The following EDNRA variants were observed in gnomAD, a reference collection of about 807,000 sequenced individuals.
EDNRA encodes endothelin receptor type A, also known as endothelin-1 receptor.
A neutral mutation model predicts 41.4 loss-of-function variants in EDNRA; 11 were observed. That is an observed-to-expected ratio of 0.27 (90% CI 0.17 to 0.44). The LOEUF (loss-of-function observed/expected upper bound fraction) is 0.44, where lower values mean the gene tolerates loss of function less well. Among genes scored for constraint, EDNRA ranks in the 20% least tolerant of loss-of-function variants. EDNRA has a pLI of 1.00. For missense variants in EDNRA, 294 were observed against 531.0 expected (o/e 0.55, Z 4.39); for synonymous variants, 172 against 183.0 (o/e 0.94, Z 0.49).
At chr4:147,493,398 G>A (rs1299767960) in intron 2 of EDNRA, 1 of 152,064 alleles carries the variant, frequency 6.6e-6, no homozygotes, top group African/African-American at 2.4e-5. Context: ...ATTATACAAA[G>A]TATATACAGT....
intron 2 of EDNRA, among the ~76,000 whole-genome samples, chr4:147,516,993 T>TA (rs33958974): frequency 0.22 from 32,696 of 146,402 alleles, 4,899 homozygotes; most frequent in African/African-American, 0.44. Context: ...TTTCTTTTTG[T>TA]AAAAAAAAAA....
At chr4:147,493,477 T>C (rs1326923454) in intron 2 of EDNRA, 1 of 152,108 alleles carries the variant, frequency 6.6e-6, no homozygotes, top group Non-Finnish European at 1.5e-5. Context: ...CTGAAGTTGA[T>C]TTTGAGACTG....
At chr4:147,506,829 G>T (rs1446635736) in intron 2 of EDNRA, 2 of 180,732 alleles carry the variant, frequency 1.1e-5, no homozygotes, top group African/African-American at 4.8e-5. Flanking sequence ...ATTGATACTG[G>T]AAGGCTTGAA....
At chr4:147,540,257 C>A in intron 6 of EDNRA, 120 bp from the exon 7 acceptor site, 1 of 864,014 alleles carries the variant, frequency 1.2e-6, no homozygotes, top group Non-Finnish European at 1.7e-6. Flanking sequence ...AAAATTCTAA[C>A]TGCCACCCAT....
Position 147,510,155 on chromosome 4 carries a change from G to A in EDNRA, c.421-9696G>A, listed in dbSNP as rs553215296. On this transcript the variant is annotated intron_variant, in intron 2 of 7. Transcript: ENST00000651419. ...AGTCAATATTTCTTAGGCAATTGCTGCATGTGGAACAATGTATCTAGTCCT... is the reference window on the plus strand; with the variant it reads ...AGTCAATATTTCTTAGGCAATTGCTACATGTGGAACAATGTATCTAGTCCT... Among the ~76,000 whole-genome samples the A allele has an allele frequency of 2.0e-5, 3 of 152,268 alleles. No homozygotes were observed. The East Asian group carries it at 5.8e-4, about 29-fold the overall frequency.
chr4:147,486,224 G>A lies in EDNRA; in HGVS notation c.420+123G>A. 1 of 1,081,334 alleles carries A rather than the reference G, an allele frequency of 9.2e-7. No homozygotes were observed. Among genetic ancestry groups the A allele is most frequent in the Non-Finnish European group, 1.3e-6 (1 of 771,324 alleles). The allele number at this position is 1,081,334 out of a possible 1,614,324, so 67.0% of individuals were successfully genotyped here. The stretch of plus-strand genomic sequence containing the variant: ...TGTGTTTTTACTGAGAGCTATTTCT[G>A]CTGTCTTCTAACTACTAGTTTTAAG... On this transcript the variant is annotated intron_variant, in intron 2 of 7. Transcript: ENST00000651419. The surrounding 1 kb of genome is among the most constrained non-coding windows in gnomAD (Gnocchi z 4.3).
intron 3 of EDNRA, among the ~76,000 whole-genome samples, chr4:147,527,466 T>C (rs1730593914): frequency 2.0e-5 from 3 of 152,322 alleles, no homozygotes. Flanking sequence ...AATTTAAAAA[T>C]TGTGAGTCAT....
intron 2 of EDNRA, among the ~76,000 whole-genome samples, chr4:147,496,559 A>C (rs1243873598): frequency 6.6e-6 from 1 of 152,246 alleles, no homozygotes; most frequent in Non-Finnish European, 1.5e-5. Context: ...CAAAGAGAGC[A>C]TTATCAGCAC....
At chr4:147,498,247 G>A (rs979261355) in intron 2 of EDNRA, among the ~76,000 whole-genome samples, 3 of 152,192 alleles carry the variant, frequency 2.0e-5, no homozygotes, top group Non-Finnish European at 4.4e-5. Context: ...GTGAGTCATT[G>A]ACACTTTTCC....
chr4:147,536,968 C>G (rs2126482411), intron 5 of EDNRA, among the ~76,000 whole-genome samples: 1 of 152,256 alleles, frequency 6.6e-6, no homozygotes, highest in African/African-American at 2.4e-5. Flanking sequence ...TAATAGTACC[C>G]AGCTCCTAGT....
At chr4:147,484,178 T>G (rs1381706403) in intron 1 of EDNRA, among the ~76,000 whole-genome samples, 2 of 152,186 alleles carry the variant, frequency 1.3e-5, no homozygotes, top group African/African-American at 4.8e-5. Flanking sequence ...ATGAGCTATT[T>G]TTAATTATCT....
chr4:147,514,542 C>T (rs545264247), intron 2 of EDNRA, among the ~76,000 whole-genome samples: 77 of 152,150 alleles, frequency 5.1e-4, no homozygotes, highest in African/African-American at 1.8e-3. Flanking sequence ...GGCATGATCT[C>T]GGCTCACTGC....
chr4:147,518,384 T>A (rs2126445897), intron 2 of EDNRA, among the ~76,000 whole-genome samples: 1 of 152,316 alleles, frequency 6.6e-6, no homozygotes, highest in African/African-American at 2.4e-5. Flanking sequence ...GAGGAAATTT[T>A]GAGAAGACAC....
At chr4:147,520,927 A>G (rs1398656362) in intron 3 of EDNRA, among the ~76,000 whole-genome samples, 5 of 152,240 alleles carry the variant, frequency 3.3e-5, no homozygotes, top group African/African-American at 1.2e-4. Context: ...TGTGCATTCA[A>G]TCAGCAATTA....
At chr4:147,497,789 G>A (rs1367516099) in intron 2 of EDNRA, among the ~76,000 whole-genome samples, 1 of 152,074 alleles carries the variant, frequency 6.6e-6, no homozygotes, top group Non-Finnish European at 1.5e-5. Context: ...AGCCAGGACG[G>A]TCTGCATCTC....
At chr4:147,534,443 T>C (rs975254964) in intron 4 of EDNRA, among the ~76,000 whole-genome samples, 3 of 152,248 alleles carry the variant, frequency 2.0e-5, no homozygotes, top group Admixed American at 6.5e-5. Context: ...TCTGTGAACT[T>C]GGTTGGAAAA....
At position 147,485,897 on chromosome 4, in the gene EDNRA, G is replaced by A. The variant is rs10305867; in HGVS notation, c.216G>A (p.Gln72=). The A allele has an allele frequency of 1.4e-5, 23 of 1,614,128 alleles. No individual in the cohort carries two copies. In the African/African-American group the frequency reaches 3.1e-4, roughly 22 times the overall value. The change falls in exon 2 of 8, where the codon CAG becomes CAA. Residue 72 remains glutamine (Q), a synonymous_variant. Coordinates refer to ENST00000651419, the MANE Select transcript of EDNRA (RefSeq NM_001957.4). ...NGSMHNYCPQ[Q]TKITSAFKYI... ...CAATGCACAACTATTGCCCACAGCA[G>A]ACTAAAATTACTTCAGCTTTCAAAT... is the stretch of plus-strand genomic sequence containing the variant.
At chr4:147,520,562 T>C (rs1304933797) in intron 3 of EDNRA, 1 of 444,670 alleles carries the variant, frequency 2.2e-6, no homozygotes. Flanking sequence ...AAGAAGCCCT[T>C]CTGAATTCTG....
At position 147,544,284 on chromosome 4, in the gene EDNRA, G is replaced by A. The variant is rs2126494484; in HGVS notation, c.*1666G>A. Reference sequence around the variant, plus strand: ...ATGGGATATAAGAGGCAGCGTGAAAGCAGATGAGCTGTGGACTAGCAATAT... The same window carrying A: ...ATGGGATATAAGAGGCAGCGTGAAAACAGATGAGCTGTGGACTAGCAATAT... On this transcript the variant is annotated 3_prime_UTR_variant, in exon 8 of 8. Coordinates refer to ENST00000651419, the MANE Select transcript of EDNRA (RefSeq NM_001957.4). 1 of 153,410 alleles carries A rather than the reference G, an allele frequency of 6.5e-6. No homozygotes were observed. The highest frequency in any genetic ancestry group is 3.4e-3 in the Middle Eastern group (1 of 294). The allele number at this position is 153,410 out of a possible 1,614,324, so 9.5% of individuals were successfully genotyped here.
Sources: allele counts gnomAD v4.1 joint callset (sites outside exome capture counted in the v4.1 genomes callset), GRCh38; gene constraint gnomAD v4.1.1; non-coding constraint Gnocchi (gnomAD v3.1); transcripts MANE v1.5; gene names NCBI Gene and HGNC (gene_info 2026-07-23, HGNC 2026-07-21).